Variants in ATPAF2 observed in about 807,000 individuals in gnomAD.
The protein encoded by ATPAF2 is ATP12 homolog.
In ATPAF2, 30 loss-of-function variants were observed where a neutral mutation model predicts 36.6. The ratio of observed to expected loss-of-function variants is 0.82; its 90% confidence interval spans 0.61 to 1.11. ATPAF2 has a LOEUF of 1.11. Ranked by LOEUF, ATPAF2 falls within the 50% of genes most tolerant of loss-of-function variation. The probability of loss-of-function intolerance (pLI) is 0.00; values close to 1 mark genes in which losing one functional copy is unlikely to be tolerated. For missense variants in ATPAF2, 321 were observed against 372.3 expected, an observed-to-expected ratio of 0.86 and a Z score of 1.13; for synonymous variants, 140 against 152.6, an observed-to-expected ratio of 0.92 and a Z score of 0.61.
At chr17:18,023,847 C>T (rs969949001) in intron 5 of ATPAF2, among the ~76,000 whole-genome samples, 2 of 152,196 alleles carry the variant, frequency 1.3e-5, no homozygotes, top group African/African-American at 4.8e-5. Context: ...GAAAGCCAGC[C>T]CTTCCAAATT....
chr17:18,021,916 C>T (rs1454511235), intron 5 of ATPAF2, 59 bp from the exon 6 acceptor site: 9 of 1,457,434 alleles, frequency 6.2e-6, no homozygotes, highest in Non-Finnish European at 7.7e-6. Flanking sequence ...AGCAGCCCAC[C>T]TTTTGACTAG....
At chr17:18,034,440 G>C (rs1203280479) in intron 1 of ATPAF2, among the ~76,000 whole-genome samples, 3 of 152,108 alleles carry the variant, frequency 2.0e-5, no homozygotes, top group Non-Finnish European at 4.4e-5. Flanking sequence ...GATCTGAATA[G>C]ACGTTTCTTC....
chr17:18,019,117 G>A lies in ATPAF2; in HGVS notation c.733-431C>T, dbSNP rs76728655. Among the ~76,000 whole-genome samples, 562 of 150,100 alleles carry A rather than the reference G, an allele frequency of 3.7e-3. 2 individuals carry two copies. Among genetic ancestry groups the A allele is most frequent in the East Asian group, 0.035 (176 of 4,972 alleles). On this transcript the variant is annotated intron_variant, in intron 7 of 7. Transcript: ENST00000474627. ...ATCACACCGCTGCACTCCCACTTGG[G>A]CAACAGAGCAAGACCCTGTCTCAAA...
intron 4 of ATPAF2, 134 bp downstream of exon 4, chr17:18,026,185 G>T: frequency 2.3e-6 from 2 of 869,106 alleles, no homozygotes; most frequent in Non-Finnish European, 1.9e-6. Flanking sequence ...GCAGCCAAGT[G>T]CCAAAGTCAA....
At chr17:18,032,968 A>G (rs1335599947) in intron 1 of ATPAF2, among the ~76,000 whole-genome samples, 1 of 151,988 alleles carries the variant, frequency 6.6e-6, no homozygotes, top group Non-Finnish European at 1.5e-5. Context: ...AGAATGCAAG[A>G]TTCTCTAAGA....
At chr17:18,025,200 G>T in intron 4 of ATPAF2, 1 of 250,952 alleles carries the variant, frequency 4.0e-6, no homozygotes, top group Non-Finnish European at 7.8e-6. Context: ...AAGAGACTGT[G>T]CCCCTGGTCA....
At chr17:18,032,894 A>G (rs1466876826) in intron 1 of ATPAF2, among the ~76,000 whole-genome samples, 1 of 151,688 alleles carries the variant, frequency 6.6e-6, no homozygotes, top group Non-Finnish European at 1.5e-5. Flanking sequence ...AGATGAAGAA[A>G]CAGGTTGCAT....
chr17:18,033,488 A>C (rs1382761454), intron 1 of ATPAF2, among the ~76,000 whole-genome samples: 2 of 152,022 alleles, frequency 1.3e-5, no homozygotes, highest in Non-Finnish European at 2.9e-5. Context: ...TTCTCGGTGA[A>C]TACATGGTTA....
downstream of ATPAF2, chr17:18,016,085 A>C (rs757590413): frequency 1.2e-6 from 2 of 1,614,002 alleles, no homozygotes; most frequent in Admixed American, 1.7e-5. Flanking sequence ...TAAAGATACG[A>C]TTGTTAATGC....
chr17:18,037,748 T>G (rs183620597), intron 1 of ATPAF2, among the ~76,000 whole-genome samples: 135 of 152,328 alleles, frequency 8.9e-4, no homozygotes, highest in African/African-American at 3.1e-3. Context: ...GATCCTAGAT[T>G]TGCACTCCTG....
chr17:18,033,358 T>C (rs1368476123), intron 1 of ATPAF2, among the ~76,000 whole-genome samples: 1 of 140,392 alleles, frequency 7.1e-6, no homozygotes, highest in Non-Finnish European at 1.5e-5. Context: ...TGAGACTCTG[T>C]CTCAAAAAAA....
At chr17:18,015,740 T>C (rs2044336495), downstream of ATPAF2, 1 of 259,506 alleles carries the variant, frequency 3.9e-6, no homozygotes, top group African/African-American at 2.2e-5. Flanking sequence ...AGAGAAGCAT[T>C]GTGAGAACAG....
At chr17:18,016,466 GA>G, downstream of ATPAF2, 2 of 958,778 alleles carry the variant, frequency 2.1e-6, no homozygotes, top group Non-Finnish European at 3.2e-6. Context: ...AGATCTAAAG[GA>G]ACTATTTTCC....
rs750947336 is a variant in ATPAF2, at chr17:18,028,590, G to T, written c.178+25C>A. The T allele has an allele frequency of 4.7e-6, 7 of 1,490,400 alleles. No homozygotes were observed. The African/African-American group carries it at 8.7e-5, about 18-fold the overall frequency. 92.3% of individuals were successfully genotyped at this position (1,490,400 alleles called of 1,614,324 possible). A position where few individuals can be genotyped will look rare whatever the true frequency, so the allele number is the denominator to read the frequency against. On this transcript the variant is annotated intron_variant, in intron 2 of 7. Transcript: ENST00000474627. ...ATTCACAAAAAAAAAAAAAAAAAGA[G>T]GCAGTCAAAATTTCAGACACTCACC...
intron 5 of ATPAF2, among the ~76,000 whole-genome samples, chr17:18,023,646 T>G (rs900671769): frequency 6.6e-6 from 1 of 152,236 alleles, no homozygotes; most frequent in Non-Finnish European, 1.5e-5. Context: ...CCACATAGTA[T>G]TGTAGTCTGG....
At position 18,024,445 on chromosome 17, in the gene ATPAF2, C is replaced by T. The variant is rs571275800; in HGVS notation, c.503+179G>A. 1.2e-4 allele frequency among the ~76,000 whole-genome samples: 18 copies of T among 152,242 alleles called. No homozygotes were observed. In the South Asian group the frequency reaches 3.7e-3, roughly 32 times the overall value. ...AGTGGCTGAAATTAAATTTGAGGTG[C>T]TTTTTTCCCAGGATGACCCTATCCC... is the stretch of plus-strand genomic sequence containing the variant. On this transcript the variant is annotated intron_variant, in intron 5 of 7. Coordinates refer to ENST00000474627, the MANE Select transcript of ATPAF2 (RefSeq NM_145691.4).
chr17:18,028,717 G>A, intron 1 of ATPAF2, 58 bp from the exon 2 acceptor site: 1 of 1,486,096 alleles, frequency 6.7e-7, no homozygotes, highest in Non-Finnish European at 9.4e-7. Context: ...AACTCAGGAA[G>A]CGACAGGACC....
chr17:18,027,397 A>G (rs898338192), intron 3 of ATPAF2, among the ~76,000 whole-genome samples: 3 of 152,106 alleles, frequency 2.0e-5, no homozygotes, highest in Admixed American at 6.5e-5. Context: ...GCAAAGGTTG[A>G]GCACAGCAGC....
intron 4 of ATPAF2, chr17:18,026,114 G>A: frequency 3.1e-6 from 2 of 646,526 alleles, no homozygotes; most frequent in South Asian, 1.7e-5. Flanking sequence ...CTAGAGAAGA[G>A]GGGTGGCCAT....
Sources: gnomAD v4.1 joint callset for allele counts (sites outside exome capture counted in the v4.1 genomes callset) on GRCh38, gnomAD v4.1.1 for gene constraint, MANE v1.5 for transcripts, NCBI Gene and HGNC (gene_info 2026-07-23, HGNC 2026-07-21) for gene names.